GLIS3: variants seen among roughly 807,000 people sequenced by gnomAD.
The protein encoded by GLIS3 is zinc finger protein GLIS3.
In GLIS3, 53 loss-of-function variants were observed where a neutral mutation model predicts 78.6. The observed-to-expected ratio is 0.67, with a 90% CI of 0.54 to 0.85. The LOEUF is 0.85. GLIS3 is among the 40% of genes least tolerant of loss of function. The probability of loss-of-function intolerance (pLI) is 0.00; values close to 1 mark genes in which losing one functional copy is unlikely to be tolerated. For synonymous variants in GLIS3, 684 were observed against 509.9 expected, an observed-to-expected ratio of 1.34 and a Z score of -4.60; for missense variants, 1,703 against 1,231.1, an observed-to-expected ratio of 1.38 and a Z score of -5.74.
At chr9:3,939,527 T>C (rs963998932) in intron 4 of GLIS3, among the ~76,000 whole-genome samples, 3 of 151,988 alleles carry the variant, frequency 2.0e-5, no homozygotes, top group Non-Finnish European at 4.4e-5. Context: ...CAGTGCAAAA[T>C]GAACAATATC....
chr9:4,111,034 A>G (rs1831170409), intron 4 of GLIS3, among the ~76,000 whole-genome samples: 2 of 152,218 alleles, frequency 1.3e-5, no homozygotes, highest in Admixed American at 1.3e-4. Flanking sequence ...ATATATTGCC[A>G]AACAAATTTT....
intron 1 of GLIS3, among the ~76,000 whole-genome samples, chr9:4,287,762 GAA>G (rs1371352094): frequency 1.3e-5 from 2 of 152,168 alleles, no homozygotes; most frequent in African/African-American, 4.8e-5. Flanking sequence ...CTATCAAGGA[GAA>G]ACACTTTTTG....
At chr9:3,885,991 T>C (rs1454739972) in intron 7 of GLIS3, among the ~76,000 whole-genome samples, 1 of 152,196 alleles carries the variant, frequency 6.6e-6, no homozygotes, top group Non-Finnish European at 1.5e-5. Context: ...GTGACGAGGA[T>C]TATAGAATGA....
intron 2 of GLIS3, among the ~76,000 whole-genome samples, chr9:4,213,064 T>C (rs1413689797): frequency 6.6e-6 from 1 of 152,174 alleles, no homozygotes; most frequent in African/African-American, 2.4e-5. Context: ...CTATTTCCCT[T>C]ATGAGAAGTG....
intron 6 of GLIS3, among the ~76,000 whole-genome samples, chr9:3,925,015 C>A (rs988399462): frequency 6.6e-6 from 1 of 152,170 alleles, no homozygotes; most frequent in African/African-American, 2.4e-5. Flanking sequence ...AGAGGGTCGT[C>A]ATTCCTTACA....
intron 9 of GLIS3, among the ~76,000 whole-genome samples, chr9:3,840,793 C>G (rs1260663431): frequency 6.6e-6 from 1 of 152,220 alleles, no homozygotes; most frequent in Non-Finnish European, 1.5e-5. Flanking sequence ...ACAGCTCTTG[C>G]TGCCAACTTG....
the GLIS3 span, among the ~76,000 whole-genome samples, chr9:4,362,095 C>A: frequency 6.6e-6 from 1 of 152,176 alleles, no homozygotes; most frequent in African/African-American, 2.4e-5. Flanking sequence ...GGGTGCTCAC[C>A]AGCTCCCCGC....
intron 4 of GLIS3, among the ~76,000 whole-genome samples, chr9:4,002,849 C>T (rs1821221616): frequency 6.6e-6 from 1 of 152,144 alleles, no homozygotes; most frequent in Non-Finnish European, 1.5e-5. Flanking sequence ...TGTCTTCCTG[C>T]TTTAAATATG....
chr9:4,267,979 G>T (rs1432306028), intron 2 of GLIS3, among the ~76,000 whole-genome samples: 11 of 150,754 alleles, frequency 7.3e-5, no homozygotes, highest in African/African-American at 2.7e-4. Flanking sequence ...GTGTGTGTAT[G>T]TGCATGTGTA....
At chr9:4,471,469 G>C in the GLIS3 span, among the ~76,000 whole-genome samples, 1 of 152,212 alleles carries the variant, frequency 6.6e-6, no homozygotes, top group Admixed American at 6.5e-5. Flanking sequence ...ACAATCATCT[G>C]ATATTTGACA....
chr9:4,108,062 G>A (rs1302437102), intron 4 of GLIS3, among the ~76,000 whole-genome samples: 1 of 152,142 alleles, frequency 6.6e-6, no homozygotes, highest in African/African-American at 2.4e-5. Flanking sequence ...TGAATATGTA[G>A]TAGGAAGAAG....
chr9:4,236,285 G>A (rs928150954), intron 2 of GLIS3, among the ~76,000 whole-genome samples: 2 of 151,770 alleles, frequency 1.3e-5, no homozygotes, highest in African/African-American at 4.8e-5. Context: ...GAAGGAGCCT[G>A]AATGATCTCA....
upstream of GLIS3, among the ~76,000 whole-genome samples, chr9:4,300,847 A>G (rs1587369092): frequency 6.6e-6 from 1 of 152,014 alleles, no homozygotes; most frequent in Admixed American, 6.5e-5. Flanking sequence ...GAATCTAGGT[A>G]TGTAATGCAC....
intron 2 of GLIS3, among the ~76,000 whole-genome samples, chr9:4,243,389 C>A (rs1240508802): frequency 3.2e-5 from 1 of 31,450 alleles, no homozygotes; most frequent in Admixed American, 4.6e-4. Flanking sequence ...TACACATGCA[C>A]ACATACACGC....
intron 2 of GLIS3, among the ~76,000 whole-genome samples, chr9:4,161,453 G>T (rs1157071897): frequency 1.3e-5 from 2 of 151,942 alleles, no homozygotes; most frequent in African/African-American, 2.4e-5. Flanking sequence ...ACAAATAAAG[G>T]GTTTCAAAAA....
intron 2 of GLIS3, among the ~76,000 whole-genome samples, chr9:4,211,646 A>C (rs1473767242): frequency 2.0e-5 from 3 of 152,246 alleles, no homozygotes; most frequent in Non-Finnish European, 4.4e-5. Context: ...ATTTAAATTT[A>C]CCCAGAAATC....
chr9:4,283,130 C>CTT lies in GLIS3; in HGVS notation c.388+2906_388+2907dup, dbSNP rs199856151. 7.5e-3 allele frequency among the ~76,000 whole-genome samples: 1,141 copies of CTT among 151,910 alleles called. 59 individuals are homozygous for CTT. In the East Asian group the frequency reaches 0.17, roughly 22 times the overall value. ...ACACACACACACACACAGGAATGCA[C>CTT]TTTGCAGGATTGCAAAGCTAGCTCT... On this transcript the variant is annotated intron_variant, in intron 2 of 10. Transcript: ENST00000381971.
intron 4 of GLIS3, among the ~76,000 whole-genome samples, chr9:3,945,203 CT>C (rs1041108537): frequency 6.6e-6 from 1 of 152,238 alleles, no homozygotes; most frequent in African/African-American, 2.4e-5. Flanking sequence ...ATTTGATTTT[CT>C]GTGTACCTGT....
At chr9:3,836,426 C>T (rs989059411) in intron 9 of GLIS3, among the ~76,000 whole-genome samples, 1 of 152,192 alleles carries the variant, frequency 6.6e-6, no homozygotes, top group African/African-American at 2.4e-5. Context: ...TATGCAGGGA[C>T]ATGTAGAAGC....
Sources: gnomAD v4.1 joint callset for allele counts (sites outside exome capture counted in the v4.1 genomes callset) on GRCh38, gnomAD v4.1.1 for gene constraint, MANE v1.5 for transcripts, NCBI Gene and HGNC (gene_info 2026-07-23, HGNC 2026-07-21) for gene names.